DNM3: variants seen among roughly 807,000 people sequenced by gnomAD.
DNM3 encodes dynamin 3.
Under a neutral mutation model 101.6 loss-of-function variants are expected in DNM3, and 47 were observed. That is an observed-to-expected ratio of 0.46 (90% CI 0.37 to 0.59). The LOEUF (loss-of-function observed/expected upper bound fraction) is 0.59. Ranked by LOEUF, DNM3 falls within the 20% of genes least tolerant of loss-of-function variation. The probability of loss-of-function intolerance (pLI) is 0.00; values close to 1 mark genes in which losing one functional copy is unlikely to be tolerated. For missense variants in DNM3, 849 were observed against 1,085.7 expected, an observed-to-expected ratio of 0.78 and a Z score of 3.06; for synonymous variants, 385 against 387.9, an observed-to-expected ratio of 0.99 and a Z score of 0.09.
intron 17 of DNM3, among the ~76,000 whole-genome samples, chr1:172,327,364 G>A (rs1411412195): frequency 6.6e-6 from 1 of 152,052 alleles, no homozygotes; most frequent in Non-Finnish European, 1.5e-5. Context: ...TATATATATT[G>A]AAGAGCAAAG....
chr1:172,386,808 C>T (rs905662910), intron 18 of DNM3: 1 of 260,742 alleles, frequency 3.8e-6, no homozygotes, highest in Non-Finnish European at 7.5e-6. Flanking sequence ...CTTCTATAAG[C>T]CAAACAGCTC....
chr1:172,344,897 C>CA (rs908360955), intron 17 of DNM3, among the ~76,000 whole-genome samples: 26 of 151,952 alleles, frequency 1.7e-4, no homozygotes, highest in East Asian at 1.5e-3. Flanking sequence ...CATGTGCTCA[C>CA]AAAAAAAATC....
intron 14 of DNM3, among the ~76,000 whole-genome samples, chr1:172,145,765 T>C (rs2057860566): frequency 6.6e-6 from 1 of 152,202 alleles, no homozygotes; most frequent in African/African-American, 2.4e-5. Flanking sequence ...TTTTCACTTG[T>C]AATTCCTGAT....
chr1:172,108,060 T>G (rs2055193241), intron 13 of DNM3, among the ~76,000 whole-genome samples: 1 of 152,132 alleles, frequency 6.6e-6, no homozygotes. Flanking sequence ...GTATCTTAAG[T>G]CTCGGTGTCA....
chr1:172,373,277 C>T (rs2068440181), intron 17 of DNM3, among the ~76,000 whole-genome samples: 1 of 152,056 alleles, frequency 6.6e-6, no homozygotes, highest in Non-Finnish European at 1.5e-5. Context: ...AAAGAAACAT[C>T]TTGATCCCAG....
At chr1:172,350,219 G>A (rs1463180467) in intron 17 of DNM3, among the ~76,000 whole-genome samples, 1 of 152,082 alleles carries the variant, frequency 6.6e-6, no homozygotes, top group Non-Finnish European at 1.5e-5. Flanking sequence ...GGTGATTAGT[G>A]GCAGTTGACT....
intron 17 of DNM3, among the ~76,000 whole-genome samples, chr1:172,334,327 A>G (rs1429365271): frequency 2.0e-5 from 3 of 152,182 alleles, no homozygotes; most frequent in African/African-American, 4.8e-5. Flanking sequence ...TTTTCTCTCC[A>G]GGGAACTTTT....
chr1:172,383,623 G>A lies in DNM3; in HGVS notation c.2059-3510G>A, dbSNP rs140557549. On this transcript the variant is annotated intron_variant, in intron 18 of 20. Transcript: ENST00000627582. ...GTAACTGAACTGTAGGAAACTGTAG[G>A]AAAACCCTAGAAATGTCTCTTCTAT... Among the ~76,000 whole-genome samples, 262 of 152,300 alleles carry A rather than the reference G, an allele frequency of 1.7e-3. 1 individual carries two copies. The highest frequency in any genetic ancestry group is 6.1e-3 in the African/African-American group (253 of 41,554).
chr1:171,963,941 TG>T (rs950495774), intron 2 of DNM3, among the ~76,000 whole-genome samples: 1 of 152,030 alleles, frequency 6.6e-6, no homozygotes, highest in African/African-American at 2.4e-5. Flanking sequence ...ATGATAGGAA[TG>T]GGTGGTCAGA....
intron 14 of DNM3, among the ~76,000 whole-genome samples, chr1:172,171,714 A>G (rs2148345931): frequency 6.6e-6 from 1 of 151,858 alleles, no homozygotes; most frequent in East Asian, 1.9e-4. Flanking sequence ...CAGAAGGGTT[A>G]GGCTGAAGAC....
At chr1:171,922,590 G>T (rs777710566) in intron 2 of DNM3, among the ~76,000 whole-genome samples, 11 of 152,328 alleles carry the variant, frequency 7.2e-5, no homozygotes, top group Non-Finnish European at 1.6e-4. Flanking sequence ...CAGTTGAATA[G>T]ATTTTAGTCT....
intron 1 of DNM3, among the ~76,000 whole-genome samples, chr1:171,842,841 C>T (rs1215074489): frequency 6.6e-6 from 1 of 152,182 alleles, no homozygotes; most frequent in Non-Finnish European, 1.5e-5. Flanking sequence ...CCTTAATGGC[C>T]TTGCCTGAAG....
chr1:171,938,245 A>C (rs1217015169), intron 2 of DNM3, among the ~76,000 whole-genome samples: 3 of 152,094 alleles, frequency 2.0e-5, no homozygotes, highest in Non-Finnish European at 4.4e-5. Flanking sequence ...CAGAGGTTGA[A>C]ATTCTAATAG....
intron 4 of DNM3, among the ~76,000 whole-genome samples, chr1:171,991,822 G>A (rs1404134889): frequency 1.3e-5 from 2 of 152,192 alleles, no homozygotes; most frequent in African/African-American, 4.8e-5. Flanking sequence ...AAGGACTTTA[G>A]TAGTTGTGTG....
chr1:172,278,072 C>G (rs149636183), intron 15 of DNM3, among the ~76,000 whole-genome samples: 173 of 152,178 alleles, frequency 1.1e-3, no homozygotes, highest in Non-Finnish European at 3.2e-4. Flanking sequence ...TATATAAATA[C>G]AGTTGAAGTG....
intron 4 of DNM3, among the ~76,000 whole-genome samples, chr1:172,007,595 CTG>C (rs2046783036): frequency 6.6e-6 from 1 of 152,016 alleles, no homozygotes; most frequent in African/African-American, 2.4e-5. Context: ...TATTCTTTAA[CTG>C]TATCTTTTGA....
intron 14 of DNM3, among the ~76,000 whole-genome samples, chr1:172,164,229 T>TTAC (rs1193567064): frequency 9.4e-6 from 1 of 106,244 alleles, no homozygotes; most frequent in Non-Finnish European, 1.9e-5. Flanking sequence ...TTTCTTTTCT[T>TTAC]TTCTTTTTTT....
chr1:172,088,415 C>A (rs1323576568), intron 12 of DNM3, among the ~76,000 whole-genome samples: 1 of 152,124 alleles, frequency 6.6e-6, no homozygotes, highest in Non-Finnish European at 1.5e-5. Flanking sequence ...TTTCAGGGAA[C>A]TAATTTGTAC....
chr1:172,038,279 T>G, intron 6 of DNM3, 40 bp from the exon 7 acceptor site: 1 of 1,610,910 alleles, frequency 6.2e-7, no homozygotes, highest in Non-Finnish European at 8.5e-7. Context: ...GTGTATATGA[T>G]TCAATCTTCA....
Sources: allele counts gnomAD v4.1 joint callset (sites outside exome capture counted in the v4.1 genomes callset), GRCh38; gene constraint gnomAD v4.1.1; transcripts MANE v1.5; gene names NCBI Gene and HGNC (gene_info 2026-07-23, HGNC 2026-07-21).